Variants in SLC2A13 observed in about 807,000 individuals in gnomAD.
SLC2A13 encodes the protein proton myo-inositol cotransporter.
In SLC2A13, 32 loss-of-function variants were observed where a neutral mutation model predicts 64.4. That is an observed-to-expected ratio of 0.50 (90% CI 0.37 to 0.67). SLC2A13 has a LOEUF of 0.67. SLC2A13 is among the 30% of genes least tolerant of loss of function. SLC2A13 has a pLI of 0.00. For missense variants in SLC2A13, 743 were observed against 829.2 expected (o/e 0.90, Z 1.28); for synonymous variants, 338 against 327.1 (o/e 1.03, Z -0.36).
chr12:39,941,998 T>C lies in SLC2A13; in HGVS notation c.1034+9259A>G, dbSNP rs551028548. On this transcript the variant is annotated intron_variant, in intron 4 of 9. Transcript: ENST00000280871. ...TCTCCACTTTATGTTTTTGTTTGCA[T>C]TGTCGAAGATCAGTTGGCCTTAAGG... Among the ~76,000 whole-genome samples, 157 of 152,320 alleles carry C rather than the reference T, an allele frequency of 1.0e-3. 1 individual carries two copies. Among genetic ancestry groups the C allele is most frequent in the African/African-American group, 3.4e-3 (142 of 41,562 alleles).
chr12:39,838,572 A>G (rs1255252119), intron 6 of SLC2A13, among the ~76,000 whole-genome samples: 1 of 151,844 alleles, frequency 6.6e-6, no homozygotes, highest in Non-Finnish European at 1.5e-5. Context: ...AAGTATTCAT[A>G]TATTTAGAAC....
At chr12:39,933,765 G>C (rs998746012) in intron 4 of SLC2A13, among the ~76,000 whole-genome samples, 1 of 152,146 alleles carries the variant, frequency 6.6e-6, no homozygotes, top group East Asian at 1.9e-4. Context: ...CAAAATCCTG[G>C]ATTTGAGGCC....
intron 2 of SLC2A13, among the ~76,000 whole-genome samples, chr12:40,046,952 A>G (rs1344416199): frequency 1.6e-4 from 24 of 148,708 alleles, no homozygotes; most frequent in African/African-American, 6.0e-4. Flanking sequence ...TCCAGGCTGG[A>G]GTGCAGTGGT....
At chr12:40,081,296 T>C (rs1433794199) in intron 1 of SLC2A13, among the ~76,000 whole-genome samples, 1 of 152,050 alleles carries the variant, frequency 6.6e-6, no homozygotes, top group Non-Finnish European at 1.5e-5. Context: ...CAAAAACGTT[T>C]TCCAAGTTGC....
chr12:39,826,062 A>T (rs1045489275), intron 7 of SLC2A13, among the ~76,000 whole-genome samples: 7 of 152,064 alleles, frequency 4.6e-5, no homozygotes, highest in Non-Finnish European at 7.4e-5. Flanking sequence ...GATACTGATT[A>T]TTTGGATTTA....
chr12:39,972,875 C>G (rs891898337), intron 3 of SLC2A13, among the ~76,000 whole-genome samples: 1 of 152,104 alleles, frequency 6.6e-6, no homozygotes. Flanking sequence ...CGAGACCAGC[C>G]TGACCAACAT....
chr12:39,871,190 T>C (rs1944042662), intron 5 of SLC2A13, among the ~76,000 whole-genome samples: 1 of 152,072 alleles, frequency 6.6e-6, no homozygotes, highest in Non-Finnish European at 1.5e-5. Context: ...ATAAATAAAA[T>C]GGGCAGAATT....
At chr12:39,765,862 T>C (rs1337398241) in intron 7 of SLC2A13, among the ~76,000 whole-genome samples, 2 of 152,066 alleles carry the variant, frequency 1.3e-5, no homozygotes, top group Non-Finnish European at 2.9e-5. Context: ...ATTAGCTATT[T>C]ATCCTGATGC....
chr12:40,000,650 G>A (rs578071080), intron 3 of SLC2A13, among the ~76,000 whole-genome samples: 1 of 152,286 alleles, frequency 6.6e-6, no homozygotes, highest in East Asian at 1.9e-4. Flanking sequence ...CTTGCAGATA[G>A]CCACCTTCCC....
chr12:39,879,507 T>C (rs1393263152), intron 4 of SLC2A13, among the ~76,000 whole-genome samples: 1 of 152,212 alleles, frequency 6.6e-6, no homozygotes, highest in East Asian at 1.9e-4. Context: ...ATGTGGAACA[T>C]GCAGTCAGAG....
intron 4 of SLC2A13, among the ~76,000 whole-genome samples, chr12:39,936,765 G>A (rs1565550687): frequency 1.3e-5 from 2 of 152,100 alleles, no homozygotes; most frequent in East Asian, 3.8e-4. Context: ...ATTGAGAAGA[G>A]GATTATAAGG....
chr12:39,829,957 A>G, intron 7 of SLC2A13, 146 bp downstream of exon 7: 1 of 1,002,110 alleles, frequency 1.0e-6, no homozygotes, highest in Non-Finnish European at 1.5e-6. Flanking sequence ...CTTTGCATCC[A>G]CTATCACCAG....
chr12:39,856,514 G>A (rs769982124), intron 6 of SLC2A13, among the ~76,000 whole-genome samples: 99 of 152,110 alleles, frequency 6.5e-4, no homozygotes, highest in Non-Finnish European at 1.1e-3. Context: ...GACTACAGGC[G>A]CATGCCACCA....
chr12:39,862,161 C>T (rs1042975300), intron 6 of SLC2A13, among the ~76,000 whole-genome samples: 3 of 152,148 alleles, frequency 2.0e-5, no homozygotes, highest in Non-Finnish European at 2.9e-5. Flanking sequence ...TTGGAAAATA[C>T]ATTATCAATC....
At chr12:40,078,964 C>T (rs1248267303) in intron 1 of SLC2A13, among the ~76,000 whole-genome samples, 4 of 152,078 alleles carry the variant, frequency 2.6e-5, no homozygotes, top group African/African-American at 9.7e-5. Flanking sequence ...TTCTGCATTT[C>T]TGTGGGGTTG....
intron 6 of SLC2A13, among the ~76,000 whole-genome samples, chr12:39,833,198 C>T (rs1314918198): frequency 6.6e-6 from 1 of 152,070 alleles, no homozygotes; most frequent in African/African-American, 2.4e-5. Context: ...TTTATGACTG[C>T]CTTCATGCTT....
At chr12:39,999,570 G>T (rs2136179928) in intron 3 of SLC2A13, among the ~76,000 whole-genome samples, 1 of 152,270 alleles carries the variant, frequency 6.6e-6, no homozygotes. Flanking sequence ...TGGTAAATTT[G>T]AGGTCAGACC....
At chr12:39,826,486 T>TAC (rs1223205147) in intron 7 of SLC2A13, among the ~76,000 whole-genome samples, 6 of 151,274 alleles carry the variant, frequency 4.0e-5, no homozygotes, top group African/African-American at 1.5e-4. Context: ...TCTCTTACTA[T>TAC]ACTTTGAGTC....
intron 2 of SLC2A13, among the ~76,000 whole-genome samples, chr12:40,033,099 C>T (rs985024612): frequency 1.3e-5 from 2 of 152,156 alleles, no homozygotes; most frequent in Non-Finnish European, 2.9e-5. Flanking sequence ...CCCTATGAGG[C>T]GAGTGCCATT....
Sources: gnomAD v4.1 joint callset for allele counts (sites outside exome capture counted in the v4.1 genomes callset) on GRCh38, gnomAD v4.1.1 for gene constraint, MANE v1.5 for transcripts, NCBI Gene and HGNC (gene_info 2026-07-23, HGNC 2026-07-21) for gene names.